SMARCA4: variants seen among roughly 807,000 people sequenced by gnomAD.
SMARCA4 encodes the protein SWI/SNF related BAF chromatin remodeling complex subunit ATPase 4, also known as SWI/SNF-related matrix-associated actin-dependent regulator of chromatin subfamily A member 4.
In SMARCA4, 31 loss-of-function variants were observed where a neutral mutation model predicts 193.9. The ratio of observed to expected loss-of-function variants is 0.16; its 90% CI spans 0.12 to 0.22. The LOEUF (loss-of-function observed/expected upper bound fraction) is 0.22. Among genes scored for constraint, SMARCA4 ranks in the 10% least tolerant of loss-of-function variants. The pLI is 1.00. For missense variants in SMARCA4, 1,148 were observed against 2,296.0 expected (o/e 0.50, Z 10.22); for synonymous variants, 942 against 933.1 (o/e 1.01, Z -0.17).
chr19:11,029,195 A>T (rs1252914053), intron 24 of SMARCA4, among the ~76,000 whole-genome samples: 1 of 151,352 alleles, frequency 6.6e-6, no homozygotes, highest in African/African-American at 2.4e-5. Flanking sequence ...TGGCCGGGCC[A>T]CCCCCCACCC....
intron 20 of SMARCA4, 126 bp from the exon 21 acceptor site, chr19:11,024,205 C>T (rs2090083077): frequency 2.7e-6 from 2 of 730,112 alleles, no homozygotes; most frequent in Admixed American, 3.9e-5. Context: ...TCTCCTCACC[C>T]ACACCCCAGT....
intron 30 of SMARCA4, among the ~76,000 whole-genome samples, chr19:11,045,228 G>A (rs1416813507): frequency 6.6e-6 from 1 of 152,314 alleles, no homozygotes; most frequent in Middle Eastern, 3.4e-3. Flanking sequence ...GCTGAGGCGG[G>A]AGAATGGCAT....
chr19:11,051,146 T>C (rs900698851), intron 30 of SMARCA4, among the ~76,000 whole-genome samples: 4 of 152,242 alleles, frequency 2.6e-5, no homozygotes, highest in African/African-American at 9.6e-5. Flanking sequence ...CAGGATTTGC[T>C]GGAAGAAGCT....
At chr19:11,011,824 T>G (rs971341927) in intron 15 of SMARCA4, 1 of 152,252 alleles carries the variant, frequency 6.6e-6, no homozygotes, top group African/African-American at 2.4e-5. Flanking sequence ...GTGTCTGTAC[T>G]AAGTTCAGCA....
intron 13 of SMARCA4, 104 bp from the exon 14 acceptor site, chr19:11,007,798 G>A (rs2146184365): frequency 8.7e-7 from 1 of 1,144,010 alleles, no homozygotes; most frequent in South Asian, 1.2e-5. Flanking sequence ...AGGGGGTGAG[G>A]GCTGTAAGAA....
Position 11,019,503 on chromosome 19 carries a change from TG to T in SMARCA4, c.2506-85del. 1.3e-6 allele frequency: 1 copy of T among 793,942 alleles called. No homozygotes were observed. The highest frequency in any genetic ancestry group is 2.2e-6 in the Non-Finnish European group (1 of 460,652). 49.2% of individuals were successfully genotyped at this position (793,942 alleles called of 1,614,324 possible). On this transcript the variant is annotated intron_variant, in intron 17 of 34. Transcript: ENST00000344626. The surrounding 1 kb of genome is among the most constrained non-coding windows in gnomAD (Gnocchi z 6.1). ...AGGACGAGCCCTCCCGCCGTGTCAC[TG>T]GGCAGTTGCAGGGGGTGCCTGTGCC...
At chr19:10,966,279 C>T (rs762102955) in intron 1 of SMARCA4, among the ~76,000 whole-genome samples, 4 of 152,080 alleles carry the variant, frequency 2.6e-5, no homozygotes, top group East Asian at 1.9e-4. Context: ...CTACCGCGCC[C>T]GGCCAGGTTT....
intron 7 of SMARCA4, 67 bp downstream of exon 7, chr19:10,989,510 C>A (rs1227074462): frequency 1.3e-6 from 2 of 1,582,800 alleles, no homozygotes; most frequent in East Asian, 2.2e-5. Context: ...GCTAAGGCTC[C>A]AAATACGGCT....
chr19:11,038,843 A>G (rs1158655991), intron 29 of SMARCA4, among the ~76,000 whole-genome samples: 2 of 152,210 alleles, frequency 1.3e-5, no homozygotes, highest in African/African-American at 2.4e-5. Flanking sequence ...GTTCATATTC[A>G]TGTTCTTCTC....
In SMARCA4 at chr19:10,984,258, C is replaced by T. The variant is rs766176476; in HGVS notation, c.107C>T (p.Pro36Leu). The T allele has an allele frequency of 7.4e-6, 12 of 1,611,590 alleles. No individual in the cohort carries two copies. Among genetic ancestry groups the T allele is most frequent in the East Asian group, 2.2e-5 (1 of 44,860 alleles). ...AMLGPSPGPS[P>L]GSAHSMMGPS... ...CTGGGCCCTAGCCCGGGTCCCTCGCCGGGCTCCGCCCACAGCATGATGGGG... is the reference window on the plus strand; with the variant it reads ...CTGGGCCCTAGCCCGGGTCCCTCGCTGGGCTCCGCCCACAGCATGATGGGG... The change falls in exon 2 of 35, where the codon CCG (proline) becomes CTG (leucine). Residue 36 changes from proline to leucine, a missense_variant. By Grantham distance (98) the Pro-to-Leu change is moderately conservative (BLOSUM62 -3). Coordinates refer to ENST00000344626, the MANE Select transcript of SMARCA4 (RefSeq NM_003072.5). This position sits in a 1 kb window ranked among gnomAD's most constrained non-coding sequence, Gnocchi z 4.3.
At position 11,039,572 on chromosome 19, in the gene SMARCA4, G is replaced by T. The variant is rs201156621; in HGVS notation, c.4171-1735G>T. ...GTCAAAGGTGGGGAGAGTTCTGGTG[G>T]TGGGTGGCGCTGAGGGCTGCACAAC... On this transcript the variant is annotated intron_variant, in intron 29 of 34. Transcript: ENST00000344626. The T allele has an allele frequency of 1.3e-6, 2 of 1,532,744 alleles. No individual in the cohort carries two copies. The highest frequency in any genetic ancestry group is 4.7e-5 in the East Asian group (2 of 42,352). The allele number at this position is 1,532,744 out of a possible 1,614,324, so 94.9% of individuals were successfully genotyped here. A position where few individuals can be genotyped will look rare whatever the true frequency, so the allele number is the denominator to read the frequency against.
Position 11,060,296 on chromosome 19 carries a change from T to G in SMARCA4, c.4911+109T>G, listed in dbSNP as rs2076793144. 9 of 1,371,142 alleles carry G rather than the reference T, an allele frequency of 6.6e-6. No individual in the cohort carries two copies. The South Asian group carries it at 7.5e-5, about 11-fold the overall frequency. 84.9% of individuals were successfully genotyped at this position (1,371,142 alleles called of 1,614,324 possible). A position where few individuals can be genotyped will look rare whatever the true frequency, so the allele number is the denominator to read the frequency against. On this transcript the variant is annotated intron_variant, in intron 34 of 34. Transcript: ENST00000344626. Reference sequence around the variant, plus strand: ...TGCTCCCACGCCCCCACGCTGCAGGTGGGAAAGCTGAGGCTTGACCTGCCA... The same window carrying G: ...TGCTCCCACGCCCCCACGCTGCAGGGGGGAAAGCTGAGGCTTGACCTGCCA...
At chr19:11,016,887 G>A (rs1273054598) in intron 16 of SMARCA4, among the ~76,000 whole-genome samples, 2 of 151,820 alleles carry the variant, frequency 1.3e-5, no homozygotes, top group Admixed American at 6.6e-5. Flanking sequence ...TCTATTTCCC[G>A]CCCACTCCCT....
chr19:11,022,192 G>T (rs1419264143), intron 19 of SMARCA4, among the ~76,000 whole-genome samples: 1 of 152,230 alleles, frequency 6.6e-6, no homozygotes, highest in East Asian at 1.9e-4. Flanking sequence ...GGAATGCTCG[G>T]GGCGTCTCTG....
rs960087184 is a variant in SMARCA4 at position 11,033,968 on chromosome 19, G to A, written c.3873+103G>A. ...CCACGGAGCGTGCGTGTGCGTGTGC[G>A]TGTGTGTGCCTTTCGCTGCCGTGTG... is the stretch of plus-strand genomic sequence containing the variant. On this transcript the variant is annotated intron_variant, in intron 27 of 34. Coordinates refer to ENST00000344626, the MANE Select transcript of SMARCA4 (RefSeq NM_003072.5). The surrounding 1 kb of genome is among the most constrained non-coding windows in gnomAD (Gnocchi z 9.8). 2.7e-6 allele frequency: 2 copies of A among 749,798 alleles called. No individual in the cohort carries two copies. The highest frequency in any genetic ancestry group is 1.4e-5 in the South Asian group (1 of 72,754). The allele number at this position is 749,798 out of a possible 1,614,324, so 46.4% of individuals were successfully genotyped here.
At chr19:11,003,752 C>A (rs1461291724) in intron 13 of SMARCA4, among the ~76,000 whole-genome samples, 1 of 150,474 alleles carries the variant, frequency 6.6e-6, no homozygotes, top group Non-Finnish European at 1.5e-5. Flanking sequence ...CACTCTGTCA[C>A]CCAGGCTGGA....
rs746733739 is a variant in SMARCA4 at position 11,033,460 on chromosome 19, C to T, written c.3717C>T (p.Ser1239=). The T allele has an allele frequency of 3.2e-5, 51 of 1,613,298 alleles. No homozygotes were observed. The highest frequency in any genetic ancestry group is 3.9e-5 in the Non-Finnish European group (46 of 1,180,006). Residue 1239 remains serine, a synonymous_variant, in exon 26 of 35, where the codon TCC becomes TCT. Coordinates refer to ENST00000344626, the MANE Select transcript of SMARCA4 (RefSeq NM_003072.5). This position sits in a 1 kb window ranked among gnomAD's most constrained non-coding sequence, Gnocchi z 9.8. ...IQAGMFDQKS[S]SHERRAFLQA... is the part of the protein sequence containing the mutation. ...CCGGCATGTTCGACCAGAAGTCCTC[C>T]AGCCATGAGCGGCGCGCCTTCCTGC...
rs2145772132 is a variant in SMARCA4 at position 10,986,219 on chromosome 19, A to G, written c.386A>G (p.His129Arg). The change falls in exon 4 of 35, where the codon CAT becomes CGT. Residue 129 changes from histidine (H) to arginine (R), a missense_variant. Transcript: ENST00000344626. This position sits in a 1 kb window ranked among gnomAD's most constrained non-coding sequence, Gnocchi z 6.7. ...GYPSPLGGSE[H>R]ASSPVPASGP... ...CCCTCGCCCCTGGGTGGCTCTGAGC[A>G]TGCCTCTAGTCCAGTTCCAGCCAGT... 1 of 1,613,912 alleles carries G rather than the reference A, an allele frequency of 6.2e-7. No individual in the cohort carries two copies. Among genetic ancestry groups the G allele is most frequent in the Non-Finnish European group, 8.5e-7 (1 of 1,179,990 alleles).
chr19:10,982,272 A>G (rs1304257517), intron 1 of SMARCA4, among the ~76,000 whole-genome samples: 1 of 151,976 alleles, frequency 6.6e-6, no homozygotes, highest in Non-Finnish European at 1.5e-5. Context: ...TCAGGAGTTC[A>G]AGACCAGCCT....
Sources: allele counts gnomAD v4.1 joint callset (sites outside exome capture counted in the v4.1 genomes callset), GRCh38; gene constraint gnomAD v4.1.1; non-coding constraint Gnocchi (gnomAD v3.1); transcripts MANE v1.5; gene names NCBI Gene and HGNC (gene_info 2026-07-23, HGNC 2026-07-21).